Variants in DAPK1 observed in about 807,000 individuals in gnomAD.
DAPK1 encodes death-associated protein kinase 1.
DAPK1 carries 56 observed loss-of-function variants against 144.9 expected under a neutral mutation model. That is an observed-to-expected ratio of 0.39 (90% confidence interval 0.31 to 0.48). DAPK1 has a LOEUF of 0.48. Ranked by LOEUF, DAPK1 falls within the 20% of genes least tolerant of loss-of-function variation. The probability of loss-of-function intolerance (pLI) is 0.95; values close to 1 mark genes in which losing one functional copy is unlikely to be tolerated. For missense variants in DAPK1, 1,454 were observed against 1,875.4 expected (o/e 0.78, Z 4.15); for synonymous variants, 690 against 749.0 (o/e 0.92, Z 1.29).
At chr9:87,666,268 C>T (rs1831049409) in intron 18 of DAPK1, among the ~76,000 whole-genome samples, 1 of 152,068 alleles carries the variant, frequency 6.6e-6, no homozygotes, top group Non-Finnish European at 1.5e-5. Context: ...CTTGGGAAGG[C>T]TGAGTGACCC....
intron 2 of DAPK1, among the ~76,000 whole-genome samples, chr9:87,602,922 T>TTCTCTCTCTCTCTCTCTCTCTCTC (rs143584239): frequency 1.2e-3 from 171 of 146,502 alleles, no homozygotes; most frequent in African/African-American, 4.0e-3. Flanking sequence ...GTCTCTCTGT[T>TTCTCTCTCTCTCTCTCTCTCTCTC]TCTCTCTCTC....
At chr9:87,684,548 G>A (rs565249479) in intron 20 of DAPK1, among the ~76,000 whole-genome samples, 2 of 152,328 alleles carry the variant, frequency 1.3e-5, no homozygotes, top group South Asian at 2.1e-4. Flanking sequence ...CCAGGAGACC[G>A]GACGGGGTCC....
intron 3 of DAPK1, among the ~76,000 whole-genome samples, chr9:87,635,641 C>T (rs1460601695): frequency 6.6e-6 from 1 of 152,162 alleles, no homozygotes; most frequent in Non-Finnish European, 1.5e-5. Flanking sequence ...TAACAACACT[C>T]GTTCCCGCAA....
intron 2 of DAPK1, chr9:87,525,444 C>T (rs1825469457): frequency 6.8e-6 from 11 of 1,607,428 alleles, no homozygotes; most frequent in East Asian, 2.2e-5. Flanking sequence ...CGTCAGTACG[C>T]GAAGGATATC....
In DAPK1 at chr9:87,664,952, C is replaced by T. The variant is rs187034890; in HGVS notation, c.1924-3645C>T. ...TCAAAAGTGCTGGCCATCCACCGCCCGGGGGCCTTTGCACTTGCTATTCTT... is the reference window on the plus strand; with the variant it reads ...TCAAAAGTGCTGGCCATCCACCGCCTGGGGGCCTTTGCACTTGCTATTCTT... On this transcript the variant is annotated intron_variant, in intron 18 of 25. Transcript: ENST00000408954. Among the ~76,000 whole-genome samples, 244 of 152,338 alleles carry T rather than the reference C, an allele frequency of 1.6e-3. 5 individuals are homozygous for T. The highest frequency in any genetic ancestry group is 5.6e-3 in the African/African-American group (231 of 41,588).
chr9:87,640,256 G>T (rs774376247), intron 7 of DAPK1, 42 bp from the exon 8 acceptor site: 2 of 1,585,120 alleles, frequency 1.3e-6, no homozygotes, highest in Non-Finnish European at 1.7e-6. Context: ...CAACACCAAG[G>T]GGTCATCATT....
chr9:87,667,585 G>A (rs1831101266), intron 18 of DAPK1, among the ~76,000 whole-genome samples: 1 of 152,190 alleles, frequency 6.6e-6, no homozygotes, highest in Non-Finnish European at 1.5e-5. Context: ...ATGACTCTGG[G>A]AGTGACTTGG....
chr9:87,658,285 C>G (rs1830703534), intron 18 of DAPK1, among the ~76,000 whole-genome samples, 158 bp downstream of exon 18: 1 of 152,228 alleles, frequency 6.6e-6, no homozygotes, highest in African/African-American at 2.4e-5. Context: ...AGACATTCGC[C>G]TACACATGCC....
At chr9:87,642,233 A>G (rs1236160490) in intron 10 of DAPK1, among the ~76,000 whole-genome samples, 175 bp downstream of exon 10, 2 of 152,164 alleles carry the variant, frequency 1.3e-5, no homozygotes, top group Non-Finnish European at 2.9e-5. Flanking sequence ...AGCAAAAACA[A>G]TATTTTAGTC....
At chr9:87,607,937 G>A (rs1412123508) in intron 3 of DAPK1, among the ~76,000 whole-genome samples, 1 of 152,162 alleles carries the variant, frequency 6.6e-6, no homozygotes, top group African/African-American at 2.4e-5. Context: ...CAGGAAGCAT[G>A]GCTGGGGAGG....
intron 2 of DAPK1, among the ~76,000 whole-genome samples, chr9:87,547,678 T>G (rs1274625455): frequency 1.3e-5 from 2 of 151,604 alleles, no homozygotes; most frequent in Non-Finnish European, 2.9e-5. Flanking sequence ...AGTCCAGAAT[T>G]TGCTGGGGTA....
chr9:87,505,048 GTTCTC>G (rs1824535373), intron 2 of DAPK1, among the ~76,000 whole-genome samples: 1 of 152,116 alleles, frequency 6.6e-6, no homozygotes. Flanking sequence ...CTTCCACCTT[GTTCTC>G]TTCCCTCCTA....
intron 17 of DAPK1, among the ~76,000 whole-genome samples, chr9:87,652,680 G>T (rs988946121): frequency 1.4e-5 from 2 of 145,424 alleles, no homozygotes; most frequent in African/African-American, 5.1e-5. Context: ...CCTGGGTCCT[G>T]ATTCTGTGTC....
At chr9:87,647,211 A>C in intron 13 of DAPK1, 94 bp from the exon 14 acceptor site, 1 of 1,014,414 alleles carries the variant, frequency 9.9e-7, no homozygotes, top group Non-Finnish European at 1.6e-6. Context: ...GTTTGTCATC[A>C]CACAGGAAGG....
At chr9:87,535,320 C>G (rs1233256997) in intron 2 of DAPK1, among the ~76,000 whole-genome samples, 1 of 152,084 alleles carries the variant, frequency 6.6e-6, no homozygotes, top group Non-Finnish European at 1.5e-5. Context: ...TATGAGCATG[C>G]TCTATCACAC....
rs1157499112 is a variant in DAPK1 at position 87,684,834 on chromosome 9, A to G, written c.2225-1717A>G. ...TGGGATTTCGGTGCTTCCCCATGAA[A>G]TTATTGTTTTCATAACACCTTGTAC... On this transcript the variant is annotated intron_variant, in intron 20 of 25. Coordinates refer to ENST00000408954, the MANE Select transcript of DAPK1 (RefSeq NM_004938.4). Among the ~76,000 whole-genome samples the G allele has an allele frequency of 3.3e-5, 5 of 152,318 alleles. No individual in the cohort carries two copies. The East Asian group carries it at 7.7e-4, about 24-fold the overall frequency.
intron 17 of DAPK1, among the ~76,000 whole-genome samples, 177 bp downstream of exon 17, chr9:87,651,901 CT>C: frequency 7.4e-6 from 1 of 134,400 alleles, no homozygotes. Context: ...TCTGTGTCCT[CT>C]CACCTGATCC....
At chr9:87,590,581 T>C (rs1450798478) in intron 2 of DAPK1, among the ~76,000 whole-genome samples, 1 of 152,084 alleles carries the variant, frequency 6.6e-6, no homozygotes, top group Non-Finnish European at 1.5e-5. Flanking sequence ...TTTGTGCTAC[T>C]TAAAAAATTT....
intron 2 of DAPK1, among the ~76,000 whole-genome samples, chr9:87,506,473 G>C (rs1459679372): frequency 2.0e-5 from 3 of 152,152 alleles, no homozygotes; most frequent in Non-Finnish European, 1.5e-5. Flanking sequence ...CAAGTTAATG[G>C]TTTACCTTTT....
Sources: allele counts gnomAD v4.1 joint callset (sites outside exome capture counted in the v4.1 genomes callset), GRCh38; gene constraint gnomAD v4.1.1; transcripts MANE v1.5; gene names NCBI Gene and HGNC (gene_info 2026-07-23, HGNC 2026-07-21).